The following ARK2N variants were observed in gnomAD, a reference collection of about 807,000 sequenced individuals.
ARK2N encodes the protein protein ARK2N.
chr18:46,241,716 CTG>C, the ARK2N span, among the ~76,000 whole-genome samples: 1 of 151,806 alleles, frequency 6.6e-6, no homozygotes, highest in East Asian at 1.9e-4. Flanking sequence ...CAAAACTAGA[CTG>C]TATCCCCCCA....
the ARK2N span, among the ~76,000 whole-genome samples, chr18:46,194,708 T>C: frequency 6.6e-6 from 1 of 150,726 alleles, no homozygotes; most frequent in African/African-American, 2.4e-5. Context: ...ACTCCTGACC[T>C]CGTGATCCAC....
At chr18:46,175,083 A>G in the ARK2N span, among the ~76,000 whole-genome samples, 1 of 152,088 alleles carries the variant, frequency 6.6e-6, no homozygotes, top group South Asian at 2.1e-4. Context: ...CCTTTACGCA[A>G]GCCATTCATT....
At chr18:46,188,755 A>G in the ARK2N span, among the ~76,000 whole-genome samples, 7 of 152,168 alleles carry the variant, frequency 4.6e-5, no homozygotes, top group Non-Finnish European at 8.8e-5. Flanking sequence ...GCTCATGCCT[A>G]TAGTCTCAGC....
the ARK2N span, among the ~76,000 whole-genome samples, chr18:46,190,246 G>T: frequency 2.0e-5 from 3 of 152,114 alleles, no homozygotes; most frequent in African/African-American, 4.8e-5. Flanking sequence ...CAGGCCGGGC[G>T]TGGTGGCTCA....
At chr18:46,233,974 T>C in the ARK2N span, among the ~76,000 whole-genome samples, 1 of 152,168 alleles carries the variant, frequency 6.6e-6, no homozygotes, top group Non-Finnish European at 1.5e-5. Flanking sequence ...CTGAAGAAAA[T>C]AATACACATG....
chr18:46,235,968 A>AT, the ARK2N span, among the ~76,000 whole-genome samples: 1 of 152,262 alleles, frequency 6.6e-6, no homozygotes, highest in African/African-American at 2.4e-5. Flanking sequence ...GCTTAAGGTC[A>AT]TAAGAGGGTA....
At chr18:46,205,401 C>A in the ARK2N span, among the ~76,000 whole-genome samples, 2 of 152,128 alleles carry the variant, frequency 1.3e-5, no homozygotes, top group African/African-American at 4.8e-5. Flanking sequence ...TGGTAAGATT[C>A]CATTAATCAT....
chr18:46,217,860 G>A, the ARK2N span: 1 of 152,082 alleles, frequency 6.6e-6, no homozygotes. Context: ...AAGCTCATCA[G>A]TTAAATGTAT....
At chr18:46,175,540 T>G in the ARK2N span, among the ~76,000 whole-genome samples, 139 of 150,876 alleles carry the variant, frequency 9.2e-4, no homozygotes, top group African/African-American at 3.1e-3. Context: ...GGCCTACAAT[T>G]GATAGTTACT....
At chr18:46,227,605 T>C in the ARK2N span, among the ~76,000 whole-genome samples, 20 of 152,048 alleles carry the variant, frequency 1.3e-4, no homozygotes, top group Admixed American at 1.2e-3. Context: ...ATTTTTTTTT[T>C]CCATTTTTTG....
At chr18:46,180,280 T>C in the ARK2N span, among the ~76,000 whole-genome samples, 4 of 152,260 alleles carry the variant, frequency 2.6e-5, no homozygotes, top group Non-Finnish European at 1.5e-5. Flanking sequence ...GAGTATTTTC[T>C]AGTTAAGTGA....
the ARK2N span, among the ~76,000 whole-genome samples, chr18:46,242,701 G>T: frequency 1.3e-5 from 2 of 152,004 alleles, no homozygotes; most frequent in Admixed American, 6.6e-5. Context: ...AAACTAATTG[G>T]TATCACATTG....
chr18:46,237,763 C>T, the ARK2N span, among the ~76,000 whole-genome samples: 6 of 152,110 alleles, frequency 3.9e-5, no homozygotes, highest in Admixed American at 3.9e-4. Flanking sequence ...ACACAAGATC[C>T]TTAATTGTGG....
At chr18:46,258,693 T>TA in the ARK2N span, among the ~76,000 whole-genome samples, 1 of 152,240 alleles carries the variant, frequency 6.6e-6, no homozygotes, top group Non-Finnish European at 1.5e-5. Context: ...GTATCTGCAC[T>TA]AATACAGATT....
At chr18:46,216,397 G>A in the ARK2N span, 5 of 1,614,094 alleles carry the variant, frequency 3.1e-6, no homozygotes, top group South Asian at 4.4e-5. This position sits in a 1 kb window ranked among gnomAD's most constrained non-coding sequence, Gnocchi z 4.3. Flanking sequence ...CAAGGTTAAA[G>A]GTCATCGGAG....
chr18:46,215,532 TTTAAA>T, the ARK2N span, among the ~76,000 whole-genome samples: 47 of 152,308 alleles, frequency 3.1e-4, no homozygotes, highest in Admixed American at 2.9e-3. Context: ...TGTAGAACAC[TTTAAA>T]TAAAATTGTA....
At chr18:46,185,745 G>A in the ARK2N span, among the ~76,000 whole-genome samples, 3 of 152,166 alleles carry the variant, frequency 2.0e-5, no homozygotes, top group Admixed American at 2.0e-4. Context: ...CCAGTACTTT[G>A]TGAGGCCTAG....
At chr18:46,245,001 G>A in the ARK2N span, among the ~76,000 whole-genome samples, 6 of 151,822 alleles carry the variant, frequency 4.0e-5, no homozygotes, top group African/African-American at 4.8e-5. Context: ...GGCAGTCTCC[G>A]CTCATTGCAG....
At chr18:46,216,319 A>G in the ARK2N span, 3 of 1,614,088 alleles carry the variant, frequency 1.9e-6, no homozygotes, top group Middle Eastern at 4.9e-4. This position sits in a 1 kb window ranked among gnomAD's most constrained non-coding sequence, Gnocchi z 4.3. Context: ...CCGATCTGAA[A>G]GTGAAACTTC....
Sources: gnomAD v4.1 joint callset for allele counts (sites outside exome capture counted in the v4.1 genomes callset) on GRCh38, gnomAD v4.1.1 for gene constraint, Gnocchi (gnomAD v3.1) non-coding constraint, MANE v1.5 for transcripts, NCBI Gene and HGNC (gene_info 2026-07-23, HGNC 2026-07-21) for gene names.